The following GPR19 variants were observed in gnomAD, a reference collection of about 807,000 sequenced individuals.
GPR19 encodes G protein-coupled receptor 19, also known as probable G protein-coupled receptor 19.
Under a neutral mutation model 28.5 loss-of-function variants are expected in GPR19, and 14 were observed. The observed-to-expected ratio is 0.49, with a 90% CI of 0.32 to 0.77. The LOEUF is 0.77. Among genes scored for constraint, GPR19 ranks in the 30% least tolerant of loss-of-function variants. GPR19 has a pLI of 0.03. For synonymous variants in GPR19, 173 were observed against 184.1 expected (o/e 0.94, Z 0.49); for missense variants, 409 against 504.1 (o/e 0.81, Z 1.81).
the GPR19 span, chr12:12,715,131 T>A: frequency 6.6e-6 from 1 of 152,276 alleles, no homozygotes; most frequent in Non-Finnish European, 1.5e-5. Context: ...TGTCTCCATT[T>A]ACATACATGT....
At chr12:12,688,344 CGA>C (rs1239660557) in intron 2 of GPR19, among the ~76,000 whole-genome samples, 1 of 149,054 alleles carries the variant, frequency 6.7e-6, no homozygotes, top group African/African-American at 2.5e-5. Flanking sequence ...CATATAATGT[CGA>C]GTTTTTTTTT....
In GPR19 at chr12:12,662,483, A is replaced by G; in HGVS notation, c.-22-13T>C. 1.9e-6 allele frequency: 3 copies of G among 1,593,622 alleles called. No homozygotes were observed. Among genetic ancestry groups the G allele is most frequent in the Non-Finnish European group, 1.7e-6 (2 of 1,167,476 alleles). On this transcript the variant is annotated splice_polypyrimidine_tract_variant and intron_variant, in intron 3 of 3. Transcript: ENST00000651487. ...TTTTCTCTTAATTCTGGTTGGGGAAAAGAAGAATGAGGCCTCCTGTTAAAA... is the reference window on the plus strand; with the variant it reads ...TTTTCTCTTAATTCTGGTTGGGGAAGAGAAGAATGAGGCCTCCTGTTAAAA...
At chr12:12,688,112 G>A (rs987344060) in intron 2 of GPR19, among the ~76,000 whole-genome samples, 6 of 152,130 alleles carry the variant, frequency 3.9e-5, no homozygotes, top group African/African-American at 9.7e-5. Context: ...GTTGTTGAAC[G>A]GGTTATTTGT....
intron 3 of GPR19, among the ~76,000 whole-genome samples, chr12:12,676,113 A>C (rs1482936906): frequency 2.0e-5 from 3 of 152,196 alleles, no homozygotes; most frequent in Non-Finnish European, 2.9e-5. Context: ...TAGAAAACCA[A>C]AAATCTTAAA....
At chr12:12,663,255 G>C (rs1025140540) in intron 3 of GPR19, among the ~76,000 whole-genome samples, 3 of 152,004 alleles carry the variant, frequency 2.0e-5, no homozygotes, top group African/African-American at 7.2e-5. Context: ...AATGTAACCA[G>C]GTTACGGGAG....
At chr12:12,713,940 A>G in the GPR19 span, among the ~76,000 whole-genome samples, 2 of 151,572 alleles carry the variant, frequency 1.3e-5, no homozygotes, top group Non-Finnish European at 2.9e-5. Context: ...AGCATTTTTC[A>G]CCTCCTTACA....
At chr12:12,710,755 G>A in the GPR19 span, among the ~76,000 whole-genome samples, 5 of 152,112 alleles carry the variant, frequency 3.3e-5, no homozygotes, top group Non-Finnish European at 7.4e-5. Context: ...AGGCCAGGCT[G>A]GTCTTGAATT....
At chr12:12,708,304 C>T in the GPR19 span, among the ~76,000 whole-genome samples, 1 of 152,052 alleles carries the variant, frequency 6.6e-6, no homozygotes, top group African/African-American at 2.4e-5. Context: ...TGCATTAGTT[C>T]ATTACATTTT....
chr12:12,683,361 T>C (rs1356226421), intron 3 of GPR19, among the ~76,000 whole-genome samples: 11 of 152,214 alleles, frequency 7.2e-5, no homozygotes, highest in Admixed American at 7.2e-4. Flanking sequence ...TGAACAAAAT[T>C]TGAAGCCAAA....
chr12:12,712,333 C>G, the GPR19 span, among the ~76,000 whole-genome samples: 7 of 152,198 alleles, frequency 4.6e-5, no homozygotes. Flanking sequence ...ACCCTCAGCC[C>G]CATCTCACAA....
the GPR19 span, among the ~76,000 whole-genome samples, chr12:12,711,065 A>T: frequency 6.6e-6 from 1 of 152,080 alleles, no homozygotes; most frequent in African/African-American, 2.4e-5. Flanking sequence ...GCACTTTGGG[A>T]GGCTGAGGCA....
At position 12,665,819 on chromosome 12, in the gene GPR19, C is replaced by CAAAAAAAAAA. The variant is rs528302150; in HGVS notation, c.-22-3359_-22-3350dup. 4.9e-4 allele frequency among the ~76,000 whole-genome samples: 37 copies of CAAAAAAAAAA among 75,730 alleles called. 1 individual carries two copies. The highest frequency in any genetic ancestry group is 1.5e-3 in the African/African-American group (25 of 16,686). 49.7% of individuals were successfully genotyped at this position (75,730 alleles called of 152,430 possible). A position where few individuals can be genotyped will look rare whatever the true frequency, so the allele number is the denominator to read the frequency against. ...TGGGGCACAAAGCCAGACTCCGTCTCAAAAAAAAAAAAAAAAAAAAAAAAA... is the reference window on the plus strand; with the variant it reads ...TGGGGCACAAAGCCAGACTCCGTCTCAAAAAAAAAAAAAAAAAAAAAAAAAAAAAAAAAAA... On this transcript the variant is annotated intron_variant, in intron 3 of 3. Transcript: ENST00000651487.
intron 3 of GPR19, among the ~76,000 whole-genome samples, chr12:12,680,525 G>C (rs144712945): frequency 1.3e-5 from 2 of 152,154 alleles, no homozygotes; most frequent in African/African-American, 4.8e-5. Flanking sequence ...TTTGTTTTTT[G>C]AGATAGGGTC....
At chr12:12,697,650 T>A (rs1221760459), upstream of GPR19, among the ~76,000 whole-genome samples, 2 of 152,198 alleles carry the variant, frequency 1.3e-5, no homozygotes, top group Non-Finnish European at 2.9e-5. Context: ...ACATATGAAA[T>A]TAAGCAGAGA....
chr12:12,693,913 G>A (rs1331458034), intron 2 of GPR19, among the ~76,000 whole-genome samples: 1 of 152,126 alleles, frequency 6.6e-6, no homozygotes, highest in Non-Finnish European at 1.5e-5. Flanking sequence ...ATGTTGGCCA[G>A]GCTGGTCTCA....
At chr12:12,673,140 G>GGTA (rs766012705) in intron 3 of GPR19, among the ~76,000 whole-genome samples, 6 of 152,256 alleles carry the variant, frequency 3.9e-5, no homozygotes, top group African/African-American at 9.6e-5. Flanking sequence ...AGGCTAAAAA[G>GGTA]GTAAGATAAT....
upstream of GPR19, among the ~76,000 whole-genome samples, chr12:12,697,153 T>TACAAAAAAAAAAAAA (rs1946277397): frequency 2.0e-5 from 1 of 48,846 alleles, no homozygotes. Context: ...TGAAGCGAAG[T>TACAAAAAAAAAAAAA]AAAAAAAAAA....
At chr12:12,712,012 G>A in the GPR19 span, among the ~76,000 whole-genome samples, 2 of 152,074 alleles carry the variant, frequency 1.3e-5, no homozygotes, top group African/African-American at 2.4e-5. Context: ...TTACTCTGCC[G>A]TCAGACACTA....
At chr12:12,712,272 G>A in the GPR19 span, among the ~76,000 whole-genome samples, 1 of 152,214 alleles carries the variant, frequency 6.6e-6, no homozygotes, top group African/African-American at 2.4e-5. Context: ...CAGTGGGACT[G>A]TCTGCCCAGC....
Sources: allele counts gnomAD v4.1 joint callset (sites outside exome capture counted in the v4.1 genomes callset), GRCh38; gene constraint gnomAD v4.1.1; transcripts MANE v1.5; gene names NCBI Gene and HGNC (gene_info 2026-07-23, HGNC 2026-07-21).